The following LRMDA variants were observed in gnomAD, a reference collection of about 807,000 sequenced individuals.
The protein encoded by LRMDA is leucine rich melanocyte differentiation associated.
Under a neutral mutation model 29.8 loss-of-function variants are expected in LRMDA, and 18 were observed. That is an observed-to-expected ratio of 0.60 (90% confidence interval 0.42 to 0.90). The LOEUF (loss-of-function observed/expected upper bound fraction) is 0.90. Among genes scored for constraint, LRMDA ranks in the 40% least tolerant of loss-of-function variants. The probability of loss-of-function intolerance (pLI) is 0.00; values close to 1 mark genes in which losing one functional copy is unlikely to be tolerated. For missense variants in LRMDA, 273 were observed against 273.9 expected (o/e 1.00, Z 0.02); for synonymous variants, 125 against 109.4 (o/e 1.14, Z -0.89).
In LRMDA at chr10:75,798,354, A is replaced by G. The variant is rs190829271; in HGVS notation, c.132-237654A>G. Among the ~76,000 whole-genome samples the G allele has an allele frequency of 4.3e-4, 65 of 152,190 alleles. No homozygotes were observed. The East Asian group carries it at 6.4e-3, about 15-fold the overall frequency. On this transcript the variant is annotated intron_variant, in intron 2 of 6. Coordinates refer to ENST00000611255, the MANE Select transcript of LRMDA (RefSeq NM_001305581.2). ...ACTTAACCACTTTTTGCTTTTATAG[A>G]TAATGCTTTTGGTGTTACATATAAG...
At chr10:76,249,073 C>T (rs1304563658) in intron 5 of LRMDA, among the ~76,000 whole-genome samples, 1 of 152,086 alleles carries the variant, frequency 6.6e-6, no homozygotes, top group Non-Finnish European at 1.5e-5. Flanking sequence ...GGACTCATAT[C>T]CTGTTTGCTA....
intron 6 of LRMDA, among the ~76,000 whole-genome samples, chr10:76,327,089 C>A (rs945279914): frequency 4.1e-4 from 46 of 111,666 alleles, no homozygotes; most frequent in African/African-American, 1.4e-3. Context: ...AAGTCCAAAT[C>A]ATCTTTTTTT....
intron 6 of LRMDA, among the ~76,000 whole-genome samples, chr10:76,490,720 T>A (rs1157768054): frequency 6.6e-6 from 1 of 151,992 alleles, no homozygotes; most frequent in Non-Finnish European, 1.5e-5. Context: ...TATTATTTTT[T>A]AATCCATTCA....
At chr10:76,479,143 A>G (rs1842710946) in intron 6 of LRMDA, among the ~76,000 whole-genome samples, 1 of 151,936 alleles carries the variant, frequency 6.6e-6, no homozygotes, top group Non-Finnish European at 1.5e-5. Context: ...AAAGACTAAA[A>G]TAGAAGTTGG....
intron 5 of LRMDA, among the ~76,000 whole-genome samples, chr10:76,307,445 G>A (rs78303652): frequency 0.011 from 1,738 of 152,220 alleles, 32 homozygotes; most frequent in African/African-American, 0.04. Flanking sequence ...TGCTTTCGAA[G>A]GGGAATTTGC....
intron 5 of LRMDA, among the ~76,000 whole-genome samples, chr10:76,174,316 T>G (rs180772639): frequency 6.6e-6 from 1 of 152,166 alleles, no homozygotes; most frequent in Admixed American, 6.5e-5. Context: ...ATTAAAAAAT[T>G]TTTAAAAAAT....
At chr10:76,520,188 A>G (rs987553575) in intron 6 of LRMDA, among the ~76,000 whole-genome samples, 2 of 152,068 alleles carry the variant, frequency 1.3e-5, no homozygotes, top group African/African-American at 4.8e-5. Flanking sequence ...AGAAAATATC[A>G]ACTTTATCAT....
chr10:75,804,003 C>A (rs957620645), intron 2 of LRMDA, among the ~76,000 whole-genome samples: 4 of 152,186 alleles, frequency 2.6e-5, no homozygotes, highest in African/African-American at 9.7e-5. Context: ...CATGTCCCAG[C>A]GCTGTTGTAC....
intron 6 of LRMDA, among the ~76,000 whole-genome samples, chr10:76,461,381 C>T (rs1416190701): frequency 6.6e-6 from 1 of 152,148 alleles, no homozygotes; most frequent in East Asian, 1.9e-4. Context: ...GTCCTGTATT[C>T]GCATAGCCTA....
At chr10:75,602,884 C>T (rs4746311) in intron 2 of LRMDA, among the ~76,000 whole-genome samples, 16,113 of 152,130 alleles carry the variant, frequency 0.11, 2,645 homozygotes, top group African/African-American at 0.35. Context: ...TGTGAAAGAA[C>T]GTAAGAAATA....
chr10:76,366,129 T>C (rs1006797002), intron 6 of LRMDA, among the ~76,000 whole-genome samples: 1 of 152,216 alleles, frequency 6.6e-6, no homozygotes, highest in Non-Finnish European at 1.5e-5. Flanking sequence ...TACCACGCTG[T>C]TTTGATGACT....
intron 6 of LRMDA, among the ~76,000 whole-genome samples, chr10:76,342,310 A>T (rs1027445186): frequency 5.9e-5 from 9 of 152,180 alleles, no homozygotes; most frequent in African/African-American, 2.2e-4. Context: ...TATAAGCCTA[A>T]ACTGTAGAAT....
chr10:75,820,632 C>T (rs1439957961), intron 2 of LRMDA, among the ~76,000 whole-genome samples: 2 of 151,978 alleles, frequency 1.3e-5, no homozygotes, highest in Non-Finnish European at 2.9e-5. Context: ...ACAAACCACA[C>T]CCAGAGCTAG....
At chr10:76,097,962 T>G (rs1197305760) in intron 5 of LRMDA, among the ~76,000 whole-genome samples, 1 of 152,206 alleles carries the variant, frequency 6.6e-6, no homozygotes, top group Non-Finnish European at 1.5e-5. Context: ...ATTTATCATT[T>G]CTTTGCATTG....
intron 5 of LRMDA, among the ~76,000 whole-genome samples, chr10:76,212,236 AACACAC>A (rs35344389): frequency 0.014 from 1,983 of 142,886 alleles, 40 homozygotes; most frequent in African/African-American, 0.042. Context: ...TGAAAATTAA[AACACAC>A]ACACACACAC....
chr10:75,850,719 T>A (rs1029375619), intron 2 of LRMDA, among the ~76,000 whole-genome samples: 1 of 152,196 alleles, frequency 6.6e-6, no homozygotes, highest in African/African-American at 2.4e-5. Flanking sequence ...TTGGAGTTTA[T>A]AATCTACTGG....
chr10:75,805,554 T>C (rs1286491113), intron 2 of LRMDA, among the ~76,000 whole-genome samples: 1 of 152,072 alleles, frequency 6.6e-6, no homozygotes, highest in African/African-American at 2.4e-5. Context: ...GGATTGGGTG[T>C]TGGTGGGTGG....
At chr10:75,935,612 C>T (rs915014243) in intron 2 of LRMDA, among the ~76,000 whole-genome samples, 13 of 152,160 alleles carry the variant, frequency 8.5e-5, no homozygotes, top group African/African-American at 2.9e-4. Context: ...GCCAAGGTCA[C>T]AGAGAAAGGT....
intron 6 of LRMDA, among the ~76,000 whole-genome samples, chr10:76,356,460 G>A (rs1841240963): frequency 6.6e-6 from 1 of 152,108 alleles, no homozygotes; most frequent in African/African-American, 2.4e-5. Context: ...ACTGCTTTCT[G>A]AAGCTAATTT....
Sources: gnomAD v4.1 joint callset for allele counts (sites outside exome capture counted in the v4.1 genomes callset) on GRCh38, gnomAD v4.1.1 for gene constraint, MANE v1.5 for transcripts, NCBI Gene and HGNC (gene_info 2026-07-23, HGNC 2026-07-21) for gene names.